Variants in KIAA1217 observed in about 807,000 individuals in gnomAD.
The protein encoded by KIAA1217 is KIAA1217, also known as sickle tail protein homolog.
In KIAA1217, 88 loss-of-function variants were observed where a neutral mutation model predicts 163.9. That is an observed-to-expected ratio of 0.54 (90% CI 0.45 to 0.64). The LOEUF is 0.64. Ranked by LOEUF, KIAA1217 falls within the 30% of genes least tolerant of loss-of-function variation. The pLI is 0.00. For synonymous variants in KIAA1217, 903 were observed against 923.1 expected, an observed-to-expected ratio of 0.98 and a Z score of 0.39; for missense variants, 2,372 against 2,475.0, an observed-to-expected ratio of 0.96 and a Z score of 0.88.
chr10:24,156,811 C>T (rs1037404926), intron 2 of KIAA1217, among the ~76,000 whole-genome samples: 1 of 152,186 alleles, frequency 6.6e-6, no homozygotes, highest in African/African-American at 2.4e-5. Context: ...GCAGAAACCA[C>T]ATAAAGGCTC....
intron 3 of KIAA1217, among the ~76,000 whole-genome samples, chr10:24,407,599 G>A (rs534816926): frequency 6.6e-5 from 10 of 152,074 alleles, no homozygotes; most frequent in South Asian, 4.1e-4. Context: ...GAGCCCCCAC[G>A]CCCAGCCAAT....
At chr10:24,167,569 G>A (rs1399699897) in intron 2 of KIAA1217, among the ~76,000 whole-genome samples, 5 of 152,042 alleles carry the variant, frequency 3.3e-5, no homozygotes, top group South Asian at 2.1e-4. Flanking sequence ...AGGCCCTCTC[G>A]CTTCTGAGAG....
intron 2 of KIAA1217, among the ~76,000 whole-genome samples, chr10:24,340,197 G>A (rs2046899489): frequency 1.3e-5 from 2 of 152,138 alleles, no homozygotes; most frequent in Non-Finnish European, 2.9e-5. Context: ...CCTTCTGTTG[G>A]TGGTATGGCT....
chr10:23,703,714 A>G (rs1167241236), intron 1 of KIAA1217, among the ~76,000 whole-genome samples: 1 of 152,020 alleles, frequency 6.6e-6, no homozygotes, highest in Middle Eastern at 3.2e-3. Context: ...TTTTCCTCTT[A>G]TTCTTTCTCC....
intron 1 of KIAA1217, among the ~76,000 whole-genome samples, chr10:23,987,338 C>T (rs1329195526): frequency 6.8e-6 from 1 of 147,874 alleles, no homozygotes; most frequent in African/African-American, 2.5e-5. Flanking sequence ...GATTGCAACA[C>T]CGCACTCCAG....
At chr10:24,434,941 T>C (rs2059906378) in intron 4 of KIAA1217, among the ~76,000 whole-genome samples, 1 of 152,214 alleles carries the variant, frequency 6.6e-6, no homozygotes, top group Admixed American at 6.5e-5. Context: ...AACTTTTTGA[T>C]TTCTTCGAAT....
Position 24,543,819 on chromosome 10 carries a change from G to T in KIAA1217, c.4549G>T (p.Val1517Leu). ...AGGCAATCTTAGAACCGGACAACAG[G>T]TGGAAACAAAGTCACAGCCACACTC... Reference protein sequence around the residue: ...APGNLRTGQQVETKSQPHSLA... With the variant: ...APGNLRTGQQLETKSQPHSLA... Residue 1517 changes from valine (V) to leucine (L), a missense_variant, in exon 19 of 21, where the codon GTG becomes TTG. Val to Leu is a conservative substitution (Grantham distance 32, BLOSUM62 1). This residue lies in a region of KIAA1217 where 690 missense variants were observed against 677.5 expected (regional missense o/e 1.02). Transcript: ENST00000376454. The T allele has an allele frequency of 6.2e-7, 1 of 1,613,982 alleles. No individual in the cohort carries two copies. The highest frequency in any genetic ancestry group is 8.5e-7 in the Non-Finnish European group (1 of 1,179,992).
chr10:23,735,890 A>G (rs563598395), intron 1 of KIAA1217, among the ~76,000 whole-genome samples: 103 of 152,342 alleles, frequency 6.8e-4, no homozygotes, highest in African/African-American at 2.4e-3. Context: ...CAAGATCATG[A>G]ACTTACCCCA....
At chr10:23,882,242 A>C (rs767643215) in intron 1 of KIAA1217, among the ~76,000 whole-genome samples, 2 of 151,924 alleles carry the variant, frequency 1.3e-5, no homozygotes, top group Non-Finnish European at 2.9e-5. Flanking sequence ...CAATGTGACA[A>C]ACCTGAGTCA....
At position 24,366,740 on chromosome 10, in the gene KIAA1217, G is replaced by T. The variant is rs1476817612; in HGVS notation, c.355-14129G>T. Among the ~76,000 whole-genome samples, 3 of 152,318 alleles carry T rather than the reference G, an allele frequency of 2.0e-5. No homozygotes were observed. In the East Asian group the frequency reaches 5.8e-4, roughly 30 times the overall value. On this transcript the variant is annotated intron_variant, in intron 2 of 20. Coordinates refer to ENST00000376454, the MANE Select transcript of KIAA1217 (RefSeq NM_019590.5). The stretch of plus-strand genomic sequence containing the variant: ...GGGGCCAGTGACAATCAAGATGGCA[G>T]CCTCAGACTGCATTCTGGCTAAGAA...
intron 1 of KIAA1217, among the ~76,000 whole-genome samples, chr10:23,800,839 G>A (rs2130956060): frequency 6.6e-6 from 1 of 152,320 alleles, no homozygotes; most frequent in East Asian, 1.9e-4. Flanking sequence ...ATGCTGGGGA[G>A]GATGTGGAGA....
intron 1 of KIAA1217, among the ~76,000 whole-genome samples, chr10:23,856,603 G>T (rs1442759593): frequency 6.6e-6 from 1 of 152,248 alleles, no homozygotes; most frequent in Admixed American, 6.5e-5. Context: ...TCTGTGACCT[G>T]TGCCCAGAGG....
intron 1 of KIAA1217, among the ~76,000 whole-genome samples, chr10:23,767,964 A>G (rs1051203757): frequency 5.3e-5 from 8 of 152,222 alleles, no homozygotes; most frequent in Admixed American, 2.0e-4. Context: ...TTCTACTTCA[A>G]GAGACCAGAA....
chr10:23,921,846 TAAG>T (rs1362924770), intron 1 of KIAA1217, among the ~76,000 whole-genome samples: 10 of 152,166 alleles, frequency 6.6e-5, no homozygotes, highest in Non-Finnish European at 1.3e-4. Flanking sequence ...TGTAACATAA[TAAG>T]AAATATATAT....
intron 2 of KIAA1217, among the ~76,000 whole-genome samples, chr10:24,370,590 T>C (rs2051494353): frequency 6.6e-6 from 1 of 152,134 alleles, no homozygotes; most frequent in African/African-American, 2.4e-5. Flanking sequence ...GGCTTTTGTT[T>C]TTTTAGAGAC....
chr10:23,916,165 A>G (rs555525977), intron 1 of KIAA1217, among the ~76,000 whole-genome samples: 11 of 152,288 alleles, frequency 7.2e-5, no homozygotes, highest in African/African-American at 2.6e-4. Flanking sequence ...TTAAACTGAA[A>G]GCAGCCTTCT....
intron 1 of KIAA1217, among the ~76,000 whole-genome samples, chr10:23,764,810 G>T (rs1261677163): frequency 1.3e-5 from 2 of 152,132 alleles, no homozygotes; most frequent in Non-Finnish European, 1.5e-5. Flanking sequence ...GGGGCCTGAG[G>T]GGTGGGAACT....
chr10:24,473,535 C>T lies in KIAA1217; in HGVS notation c.1154C>T (p.Ala385Val), dbSNP rs1302608317. ...PDEDMSGKNIAMYRNEGFYAD... is the reference protein window; with the variant it reads ...PDEDMSGKNIVMYRNEGFYAD... ...GAAGACATGAGTGGCAAAAACATTG[C>T]AATGTACAGAAATGAGGGTTTCTAT... Residue 385 changes from alanine to valine, a missense_variant, in exon 6 of 21, where the codon GCA (alanine) becomes GTA (valine). This residue lies in a region of KIAA1217 where 1,431 missense variants were observed against 1,470.3 expected (regional missense o/e 0.97). Transcript: ENST00000376454. 3 of 1,613,562 alleles carry T rather than the reference C, an allele frequency of 1.9e-6. No individual in the cohort carries two copies. Among genetic ancestry groups the T allele is most frequent in the Non-Finnish European group, 2.5e-6 (3 of 1,179,810 alleles).
chr10:23,877,962 C>T (rs975629720), intron 1 of KIAA1217, among the ~76,000 whole-genome samples: 1 of 151,902 alleles, frequency 6.6e-6, no homozygotes, highest in Non-Finnish European at 1.5e-5. Context: ...ACCACAGAAT[C>T]AGGATTGCCC....
Sources: gnomAD v4.1 joint callset for allele counts (sites outside exome capture counted in the v4.1 genomes callset) on GRCh38, gnomAD v4.1.1 for gene constraint, gnomAD v4.1.1 regional missense constraint, MANE v1.5 for transcripts, NCBI Gene and HGNC (gene_info 2026-07-23, HGNC 2026-07-21) for gene names.